The following RGS17 variants were observed in gnomAD, a reference collection of about 807,000 sequenced individuals.
The protein encoded by RGS17 is regulator of G-protein signaling 17.
Under a neutral mutation model 25.5 loss-of-function variants are expected in RGS17, and 12 were observed. That is an observed-to-expected ratio of 0.47 (90% CI 0.30 to 0.76). The LOEUF is 0.76. Ranked by LOEUF, RGS17 falls within the 30% of genes least tolerant of loss-of-function variation. The pLI is 0.07. For missense variants in RGS17, 196 were observed against 242.2 expected (o/e 0.81, Z 1.27); for synonymous variants, 71 against 76.9 (o/e 0.92, Z 0.40).
intron 1 of RGS17, among the ~76,000 whole-genome samples, chr6:153,067,465 A>G (rs1163706378): frequency 6.6e-6 from 1 of 152,218 alleles, no homozygotes; most frequent in Non-Finnish European, 1.5e-5. Flanking sequence ...GTAAAGTTGC[A>G]GTGTATAAAA....
At chr6:153,038,398 T>C (rs1776279020) in intron 2 of RGS17, among the ~76,000 whole-genome samples, 1 of 152,222 alleles carries the variant, frequency 6.6e-6, no homozygotes, top group Non-Finnish European at 1.5e-5. Context: ...ATATAACTGA[T>C]AAAAACATTG....
At position 153,006,597 on chromosome 6, in the gene RGS17, A is replaced by T. The variant is rs1779078812; in HGVS notation, c.*4977T>A. On this transcript the variant is annotated 3_prime_UTR_variant, in exon 5 of 5. Transcript: ENST00000206262. Reference sequence around the variant, plus strand: ...GATTGTATGTTTTGATGAGTAGCTAAATCAGATGTTTAACGTATGTTTTGG... The same window carrying T: ...GATTGTATGTTTTGATGAGTAGCTATATCAGATGTTTAACGTATGTTTTGG... 6.6e-6 allele frequency: 1 copy of T among 152,618 alleles called. No individual in the cohort carries two copies. The highest frequency in any genetic ancestry group is 2.4e-5 in the African/African-American group (1 of 41,452). 9.5% of individuals were successfully genotyped at this position (152,618 alleles called of 1,614,324 possible).
chr6:153,021,411 T>C (rs546457019), intron 4 of RGS17, among the ~76,000 whole-genome samples: 69 of 152,318 alleles, frequency 4.5e-4, no homozygotes, highest in African/African-American at 1.6e-3. Flanking sequence ...AGGTACATAA[T>C]AGATTGAACT....
At chr6:153,104,277 G>A (rs1777347895) in intron 1 of RGS17, among the ~76,000 whole-genome samples, 1 of 152,176 alleles carries the variant, frequency 6.6e-6, no homozygotes, top group Non-Finnish European at 1.5e-5. Context: ...CTCGATAGCT[G>A]TTGACATGTT....
chr6:153,049,439 T>G (rs1045491041), intron 1 of RGS17, among the ~76,000 whole-genome samples: 1 of 152,120 alleles, frequency 6.6e-6, no homozygotes, highest in African/African-American at 2.4e-5. Flanking sequence ...GACCAAAATC[T>G]TAATTGTCCT....
chr6:153,114,535 T>G (rs1777517586), intron 1 of RGS17, among the ~76,000 whole-genome samples: 1 of 152,290 alleles, frequency 6.6e-6, no homozygotes, highest in South Asian at 2.1e-4. Flanking sequence ...CTTCCGAAAC[T>G]ATTCCAAACC....
At chr6:153,078,742 C>T (rs185354469) in intron 1 of RGS17, among the ~76,000 whole-genome samples, 90 of 151,854 alleles carry the variant, frequency 5.9e-4, no homozygotes, top group African/African-American at 1.9e-3. Flanking sequence ...CAATGTCAGG[C>T]GCTTTTGGTA....
At chr6:153,056,006 T>C (rs1776550588) in intron 1 of RGS17, among the ~76,000 whole-genome samples, 1 of 152,154 alleles carries the variant, frequency 6.6e-6, no homozygotes, top group South Asian at 2.1e-4. Flanking sequence ...AAGGCTAGGA[T>C]GGGAGAAACA....
chr6:153,030,546 T>C (rs1400385093), intron 2 of RGS17, among the ~76,000 whole-genome samples: 1 of 152,218 alleles, frequency 6.6e-6, no homozygotes, highest in Non-Finnish European at 1.5e-5. Context: ...AAAAGCAGTC[T>C]ATTCAATATT....
chr6:153,008,758 C>T lies in RGS17; in HGVS notation c.*2816G>A, dbSNP rs1779102967. On this transcript the variant is annotated 3_prime_UTR_variant, in exon 5 of 5. Coordinates refer to ENST00000206262, the MANE Select transcript of RGS17 (RefSeq NM_012419.5). ...GGGAGGAATTTACTCACTAGGAAAA[C>T]TCAAATTCTAAGAAAACAAATATTG... 6.6e-6 allele frequency: 1 copy of T among 152,146 alleles called. No homozygotes were observed. Among genetic ancestry groups the T allele is most frequent in the African/African-American group, 2.4e-5 (1 of 41,434 alleles). 9.4% of individuals were successfully genotyped at this position (152,146 alleles called of 1,614,324 possible).
intron 2 of RGS17, among the ~76,000 whole-genome samples, chr6:153,042,948 A>G (rs113324867): frequency 1.3e-5 from 2 of 152,374 alleles, no homozygotes; most frequent in African/African-American, 4.8e-5. Flanking sequence ...GGGGAGACCC[A>G]GAAGACCACT....
chr6:153,097,436 T>C (rs995749788), intron 1 of RGS17, among the ~76,000 whole-genome samples: 3 of 151,614 alleles, frequency 2.0e-5, no homozygotes, highest in African/African-American at 7.3e-5. Context: ...AATAGTGATT[T>C]ATAAATGATT....
intron 1 of RGS17, among the ~76,000 whole-genome samples, chr6:153,103,971 G>T (rs1277005137): frequency 1.3e-5 from 2 of 152,178 alleles, no homozygotes; most frequent in Non-Finnish European, 2.9e-5. Context: ...ATCATTGATT[G>T]TAAAATGTGT....
At position 153,114,459 on chromosome 6, in the gene RGS17, A is replaced by G. The variant is rs1203971436; in HGVS notation, c.-26+16665T>C. ...AATTAATAGCCTACCAACCAAAAAA[A>G]GCCCAGGACCAGATGGATTCACAGC... On this transcript the variant is annotated intron_variant, in intron 1 of 4. Coordinates refer to ENST00000206262, the MANE Select transcript of RGS17 (RefSeq NM_012419.5). Among the ~76,000 whole-genome samples the G allele has an allele frequency of 2.6e-5, 4 of 152,208 alleles. No individual in the cohort carries two copies. The South Asian group carries it at 6.2e-4, about 24-fold the overall frequency.
intron 1 of RGS17, among the ~76,000 whole-genome samples, chr6:153,114,154 T>C (rs1033600863): frequency 6.6e-6 from 1 of 151,984 alleles, no homozygotes; most frequent in Non-Finnish European, 1.5e-5. Context: ...CTGGTTTTTT[T>C]AAAAGATTAG....
chr6:153,095,998 A>G (rs1187549163), intron 1 of RGS17, among the ~76,000 whole-genome samples: 1 of 152,218 alleles, frequency 6.6e-6, no homozygotes, highest in Non-Finnish European at 1.5e-5. Flanking sequence ...GGAGTTTTCA[A>G]GGAGCAAATA....
intron 1 of RGS17, among the ~76,000 whole-genome samples, chr6:153,054,147 G>T (rs1455366237): frequency 9.3e-6 from 1 of 107,112 alleles, no homozygotes; most frequent in East Asian, 3.3e-4. Context: ...TTTATACCAG[G>T]CAGGAATTTC....
At chr6:153,035,274 G>C (rs1419926383) in intron 2 of RGS17, among the ~76,000 whole-genome samples, 2 of 152,048 alleles carry the variant, frequency 1.3e-5, no homozygotes, top group African/African-American at 2.4e-5. Context: ...ATTAATGTCT[G>C]AAACAAAGAT....
intron 1 of RGS17, among the ~76,000 whole-genome samples, chr6:153,070,832 CATACAT>C (rs908304308): frequency 4.7e-5 from 7 of 150,358 alleles, no homozygotes; most frequent in Admixed American, 2.0e-4. Flanking sequence ...CATATATACA[CATACAT>C]ATACATATAC....
Sources: gnomAD v4.1 joint callset for allele counts (sites outside exome capture counted in the v4.1 genomes callset) on GRCh38, gnomAD v4.1.1 for gene constraint, MANE v1.5 for transcripts, NCBI Gene and HGNC (gene_info 2026-07-23, HGNC 2026-07-21) for gene names.